Variants in DUXA observed in about 807,000 individuals in gnomAD.
The protein encoded by DUXA is double homeobox protein A.
DUXA carries 25 observed loss-of-function variants against 27.5 expected under a neutral mutation model. The observed-to-expected ratio is 0.91, with a 90% confidence interval of 0.66 to 1.27. The LOEUF (loss-of-function observed/expected upper bound fraction) is 1.27, where lower values mean the gene tolerates loss of function less well. DUXA is among the 50% of genes most tolerant of loss of function. The probability of loss-of-function intolerance (pLI) is 0.00; values close to 1 mark genes in which losing one functional copy is unlikely to be tolerated. For missense variants in DUXA, 247 were observed against 242.9 expected (o/e 1.02, Z -0.11); for synonymous variants, 90 against 80.5 (o/e 1.12, Z -0.63).
chr19:57,165,648 G>A (rs1007148177), intron 1 of DUXA, among the ~76,000 whole-genome samples: 15 of 151,498 alleles, frequency 9.9e-5, no homozygotes, highest in African/African-American at 3.2e-4. Context: ...TACTAAAAAT[G>A]CAAAAAATTA....
chr19:57,160,908 C>A lies in DUXA; in HGVS notation c.26-111G>T, dbSNP rs1568464100. ...CTTCCCAAATCCACTGGAATCCACT[C>A]CAGGAGAACTACCCTCATACAAGTA... On this transcript the variant is annotated intron_variant, in intron 1 of 5. Transcript: ENST00000554048. 5.7e-6 allele frequency: 7 copies of A among 1,219,504 alleles called. No homozygotes were observed. In the South Asian group the frequency reaches 1.0e-4, roughly 17 times the overall value. The allele number at this position is 1,219,504 out of a possible 1,614,324, so 75.5% of individuals were successfully genotyped here.
chr19:57,161,446 AC>A (rs1225340118), intron 1 of DUXA, among the ~76,000 whole-genome samples: 14 of 149,786 alleles, frequency 9.3e-5, no homozygotes, highest in Non-Finnish European at 1.9e-4. Flanking sequence ...ACATGATGAA[AC>A]CCCGTCTCTA....
chr19:57,157,355 G>A (rs1010626160), intron 4 of DUXA, among the ~76,000 whole-genome samples: 9 of 151,574 alleles, frequency 5.9e-5, no homozygotes, highest in South Asian at 4.2e-4. Context: ...TTTTCAAGAC[G>A]GAGTCTTGCT....
intron 1 of DUXA, among the ~76,000 whole-genome samples, chr19:57,162,369 A>G (rs371782735): frequency 6.6e-6 from 1 of 152,230 alleles, no homozygotes; most frequent in South Asian, 2.1e-4. Context: ...AATTTGCTGG[A>G]TAGGACATCT....
At chr19:57,154,659 G>C (rs1201015647) in intron 5 of DUXA, among the ~76,000 whole-genome samples, 177 bp from the exon 6 acceptor site, 1 of 151,800 alleles carries the variant, frequency 6.6e-6, no homozygotes, top group East Asian at 1.9e-4. Flanking sequence ...CGCCTCCCGG[G>C]TTCACGCCAT....
At chr19:57,157,291 G>A (rs1332903016) in intron 4 of DUXA, among the ~76,000 whole-genome samples, 1 of 152,090 alleles carries the variant, frequency 6.6e-6, no homozygotes, top group Non-Finnish European at 1.5e-5. Flanking sequence ...GGACAGACTG[G>A]TACATTTCTC....
At chr19:57,160,850 A>C in intron 1 of DUXA, 53 bp from the exon 2 acceptor site, 1 of 1,594,660 alleles carries the variant, frequency 6.3e-7, no homozygotes, top group South Asian at 1.1e-5. Flanking sequence ...TTATATACTC[A>C]AACTTCAGGT....
At chr19:57,166,617 T>A (rs747560215) in intron 1 of DUXA, among the ~76,000 whole-genome samples, 2 of 152,160 alleles carry the variant, frequency 1.3e-5, no homozygotes, top group Non-Finnish European at 2.9e-5. Context: ...CGCCATAATT[T>A]AATTAACAGT....
intron 4 of DUXA, among the ~76,000 whole-genome samples, chr19:57,156,388 A>G (rs1318096348): frequency 3.3e-5 from 5 of 152,110 alleles, no homozygotes; most frequent in African/African-American, 9.7e-5. Flanking sequence ...ACTCACAAAA[A>G]TCCCTCACCT....
chr19:57,161,363 C>T (rs2087020978), intron 1 of DUXA, among the ~76,000 whole-genome samples: 1 of 132,524 alleles, frequency 7.5e-6, no homozygotes, highest in Non-Finnish European at 1.6e-5. Flanking sequence ...GTGGCTCACA[C>T]CTGTAATCCC....
chr19:57,163,955 C>T (rs2122698743), intron 1 of DUXA, among the ~76,000 whole-genome samples: 1 of 152,184 alleles, frequency 6.6e-6, no homozygotes, highest in African/African-American at 2.4e-5. Context: ...GTGGCTCACA[C>T]CTATAATCCC....
intron 2 of DUXA, 111 bp from the exon 3 acceptor site, chr19:57,159,389 C>CT: frequency 1.1e-6 from 1 of 938,574 alleles, no homozygotes; most frequent in Non-Finnish European, 1.6e-6. Flanking sequence ...AGGATTATTA[C>CT]TTACTTCTGT....
chr19:57,160,803 G>A lies in DUXA; in HGVS notation c.26-6C>T. The A allele has an allele frequency of 3.7e-6, 6 of 1,613,150 alleles. No homozygotes were observed. The South Asian group carries it at 5.5e-5, about 15-fold the overall frequency. The stretch of plus-strand genomic sequence containing the variant: ...ATGATTTGTTTTTACCATCTCTGTA[G>A]GAAGATTACAAAAGAAGAAGCATGT... On this transcript the variant is annotated splice_polypyrimidine_tract_variant and splice_region_variant and intron_variant, in intron 1 of 5. Transcript: ENST00000554048.
At chr19:57,160,041 G>C (rs1231590421) in intron 2 of DUXA, among the ~76,000 whole-genome samples, 1 of 152,078 alleles carries the variant, frequency 6.6e-6, no homozygotes, top group Non-Finnish European at 1.5e-5. Context: ...GGAGGCGGGG[G>C]TTTCAGCAAG....
chr19:57,158,804 G>A (rs1043533205), intron 3 of DUXA, among the ~76,000 whole-genome samples: 9 of 152,268 alleles, frequency 5.9e-5, no homozygotes, highest in Middle Eastern at 3.4e-3. Context: ...CCAATATGGC[G>A]AAACCTCGTC....
chr19:57,160,661 T>G lies in DUXA; in HGVS notation c.162A>C (p.Thr54=), dbSNP rs376232477. The G allele has an allele frequency of 1.7e-4, 272 of 1,612,942 alleles. 1 individual carries two copies. Among genetic ancestry groups the G allele is most frequent in the Non-Finnish European group, 2.2e-4 (263 of 1,180,026 alleles). ...TKQKLALEIN[T]EESRIQIWFQ... ...AACTTACCTGGATTCTGGACTCTTC[T>G]GTATTGATTTCTAAAGCAAGTTTTT... Residue 54 remains threonine, a synonymous_variant, in exon 2 of 6, where the codon ACA becomes ACC. Transcript: ENST00000554048.
intron 4 of DUXA, among the ~76,000 whole-genome samples, chr19:57,157,392 T>C (rs1421041951): frequency 1.3e-5 from 2 of 151,976 alleles, no homozygotes; most frequent in African/African-American, 4.8e-5. Context: ...AGTGCAGTGG[T>C]GCAATCTCTA....
intron 1 of DUXA, among the ~76,000 whole-genome samples, chr19:57,165,327 A>ATATATATATATATATATATT (rs2087047779): frequency 5.1e-5 from 4 of 77,768 alleles, no homozygotes; most frequent in African/African-American, 8.7e-5. Context: ...AAAAAAAAAT[A>ATATATATATATATATATATT]TATATATATA....
chr19:57,159,177 C>T lies in DUXA; in HGVS notation c.282G>A (p.Val94=), dbSNP rs544579523. ...AAGAGGGTTATTTACTTTGAAACTC[C>T]ACACCAGGTTGATCTTGCCCCTGGC... is the stretch of plus-strand genomic sequence containing the variant. ...SQSQGQDQPG[V]EFQSREARRC... is the part of the protein sequence containing the mutation. Residue 94 remains valine, a synonymous_variant, in exon 3 of 6, where the codon GTG becomes GTA. Transcript: ENST00000554048. 4.3e-6 allele frequency: 7 copies of T among 1,613,692 alleles called. No individual in the cohort carries two copies. In the South Asian group the frequency reaches 5.5e-5, roughly 13 times the overall value.
Sources: gnomAD v4.1 joint callset for allele counts (sites outside exome capture counted in the v4.1 genomes callset) on GRCh38, gnomAD v4.1.1 for gene constraint, MANE v1.5 for transcripts, NCBI Gene and HGNC (gene_info 2026-07-23, HGNC 2026-07-21) for gene names.